ARHGAP23: variants seen among roughly 807,000 people sequenced by gnomAD.
ARHGAP23 encodes rho GTPase-activating protein 23.
Under a neutral mutation model 136.3 loss-of-function variants are expected in ARHGAP23, and 34 were observed. The observed-to-expected ratio is 0.25, with a 90% CI of 0.19 to 0.33. ARHGAP23 has a LOEUF of 0.33. Ranked by LOEUF, ARHGAP23 falls within the 10% of genes least tolerant of loss-of-function variation. The probability of loss-of-function intolerance (pLI) is 1.00; values close to 1 mark genes in which losing one functional copy is unlikely to be tolerated. For missense variants in ARHGAP23, 1,808 were observed against 2,139.0 expected (o/e 0.85, Z 3.05); for synonymous variants, 832 against 920.5 (o/e 0.90, Z 1.74).
At chr17:38,500,715 G>T (rs2040501377) in intron 23 of ARHGAP23, 87 bp downstream of exon 23, 2 of 1,243,614 alleles carry the variant, frequency 1.6e-6, no homozygotes, top group East Asian at 5.1e-5. Flanking sequence ...GGGAATGGCA[G>T]TTGGACCATG....
chr17:38,449,968 C>T (rs983654284), intron 1 of ARHGAP23, among the ~76,000 whole-genome samples: 1 of 152,242 alleles, frequency 6.6e-6, no homozygotes, highest in Non-Finnish European at 1.5e-5. Context: ...GGACGCTCTC[C>T]TCCCCTTCCC....
chr17:38,504,916 GTC>G (rs1036551555), intron 23 of ARHGAP23, among the ~76,000 whole-genome samples: 8 of 143,270 alleles, frequency 5.6e-5, no homozygotes, highest in Non-Finnish European at 1.1e-4. Flanking sequence ...ACACATGGCA[GTC>G]TCTCAGCTCC....
chr17:38,438,277 T>C (rs998021339), intron 1 of ARHGAP23, among the ~76,000 whole-genome samples: 1 of 140,576 alleles, frequency 7.1e-6, no homozygotes, highest in African/African-American at 2.7e-5. Flanking sequence ...GCCAAGATCA[T>C]GCCACTGCAC....
At chr17:38,433,872 G>A (rs55801133) in intron 1 of ARHGAP23, among the ~76,000 whole-genome samples, 5,598 of 152,286 alleles carry the variant, frequency 0.037, 144 homozygotes, top group South Asian at 0.068. Flanking sequence ...GGGACAGAGA[G>A]GAGCCTGGGC....
At chr17:38,462,170 T>G (rs1288211033) in intron 3 of ARHGAP23, among the ~76,000 whole-genome samples, 1 of 151,202 alleles carries the variant, frequency 6.6e-6, no homozygotes, top group Non-Finnish European at 1.5e-5. Context: ...GCCAGGCTGG[T>G]CTTGAACTCC....
intron 6 of ARHGAP23, 115 bp from the exon 7 acceptor site, chr17:38,466,052 G>A (rs1313535838): frequency 1.2e-5 from 4 of 334,482 alleles, no homozygotes; most frequent in African/African-American, 3.7e-5. Flanking sequence ...TCCCCCCACC[G>A]CTTGGTCCTC....
At position 38,458,145 on chromosome 17, in the gene ARHGAP23, T is replaced by A. The variant is rs142490391; in HGVS notation, c.107T>A (p.Phe36Tyr). The A allele has an allele frequency of 6.5e-6, 10 of 1,536,042 alleles. No homozygotes were observed. Among genetic ancestry groups the A allele is most frequent in the Non-Finnish European group, 7.8e-6 (9 of 1,146,878 alleles). The change falls in exon 2 of 24, where the codon TTC becomes TAC. Residue 36 changes from phenylalanine to tyrosine, a missense_variant. By Grantham distance (22) the Phe-to-Tyr change is conservative. Around this residue, in one of 7 missense-constraint regions of ARHGAP23, gnomAD observed 859 missense variants for 936.4 expected, o/e 0.92. Coordinates refer to ENST00000622683, the MANE Select transcript of ARHGAP23 (RefSeq NM_001199417.2). ...PRDGCSPRRP[F>Y]PWQGPRTLLL... ...GATGGGTGCTCTCCTAGGCGCCCCT[T>A]CCCCTGGCAGGGGCCGAGGACGCTG...
At chr17:38,421,413 T>G (rs1296024772) in intron 1 of ARHGAP23, among the ~76,000 whole-genome samples, 1 of 152,112 alleles carries the variant, frequency 6.6e-6, no homozygotes, top group Admixed American at 6.6e-5. Context: ...CCTAGGCTGA[T>G]GTGGTTAACG....
At chr17:38,444,795 C>T (rs1188207592) in intron 1 of ARHGAP23, among the ~76,000 whole-genome samples, 1 of 151,766 alleles carries the variant, frequency 6.6e-6, no homozygotes, top group Non-Finnish European at 1.5e-5. Context: ...AAGGAGAGAC[C>T]TGTTCATTTG....
chr17:38,502,044 C>T (rs1475546137), intron 23 of ARHGAP23, among the ~76,000 whole-genome samples: 3 of 152,188 alleles, frequency 2.0e-5, no homozygotes, highest in Non-Finnish European at 4.4e-5. Context: ...CACCATGGCT[C>T]ACGCCTGTAA....
At chr17:38,506,839 T>A (rs1359858659) in intron 23 of ARHGAP23, among the ~76,000 whole-genome samples, 1 of 152,178 alleles carries the variant, frequency 6.6e-6, no homozygotes, top group Non-Finnish European at 1.5e-5. Flanking sequence ...AACCAGCTGA[T>A]GACTGGCTGG....
At chr17:38,496,241 T>A (rs1411408030) in intron 20 of ARHGAP23, among the ~76,000 whole-genome samples, 1 of 152,154 alleles carries the variant, frequency 6.6e-6, no homozygotes, top group Non-Finnish European at 1.5e-5. Context: ...TGTGTCTTCC[T>A]TCCACCACAT....
At chr17:38,480,224 G>A (rs1289682965) in intron 14 of ARHGAP23, among the ~76,000 whole-genome samples, 1 of 152,154 alleles carries the variant, frequency 6.6e-6, no homozygotes, top group East Asian at 1.9e-4. Flanking sequence ...TACCTGGCTG[G>A]GCAAGGTGGC....
intron 20 of ARHGAP23, among the ~76,000 whole-genome samples, chr17:38,492,254 A>G (rs992698999): frequency 6.6e-6 from 1 of 152,208 alleles, no homozygotes; most frequent in African/African-American, 2.4e-5. Context: ...TCTGGTGTGC[A>G]CACGGATATC....
At chr17:38,434,363 A>T (rs762631753) in intron 1 of ARHGAP23, among the ~76,000 whole-genome samples, 23 of 152,226 alleles carry the variant, frequency 1.5e-4, no homozygotes, top group Non-Finnish European at 3.2e-4. Flanking sequence ...TTTGTCCCCA[A>T]CCGCTGGGAA....
chr17:38,505,754 C>T (rs1015612596), intron 23 of ARHGAP23, among the ~76,000 whole-genome samples: 1 of 152,138 alleles, frequency 6.6e-6, no homozygotes, highest in African/African-American at 2.4e-5. Context: ...TATGGCAAAA[C>T]CCCGTCTCTA....
chr17:38,423,620 T>G (rs1279234912), upstream of ARHGAP23, among the ~76,000 whole-genome samples: 4 of 151,810 alleles, frequency 2.6e-5, no homozygotes, highest in Non-Finnish European at 5.9e-5. Flanking sequence ...TGATCTGCCC[T>G]CCTCAGCCTC....
intron 14 of ARHGAP23, among the ~76,000 whole-genome samples, chr17:38,480,829 G>GA (rs1413978920): frequency 7.0e-6 from 1 of 142,586 alleles, no homozygotes; most frequent in African/African-American, 2.7e-5. Flanking sequence ...AAAAAAGAAA[G>GA]AAAGTTGTTC....
intron 22 of ARHGAP23, chr17:38,500,369 G>A (rs924110400): frequency 7.1e-6 from 4 of 560,580 alleles, no homozygotes; most frequent in Admixed American, 3.2e-5. Context: ...GCAGCCTGAT[G>A]TCACTTCCTG....
Sources: gnomAD v4.1 joint callset for allele counts (sites outside exome capture counted in the v4.1 genomes callset) on GRCh38, gnomAD v4.1.1 for gene constraint, gnomAD v4.1.1 regional missense constraint, MANE v1.5 for transcripts, NCBI Gene and HGNC (gene_info 2026-07-23, HGNC 2026-07-21) for gene names.